REV1: variants seen among roughly 807,000 people sequenced by gnomAD.
The protein encoded by REV1 is translesion synthesis protein REV1.
In REV1, 42 loss-of-function variants were observed where a neutral mutation model predicts 137.4. That is an observed-to-expected ratio of 0.31 (90% CI 0.24 to 0.40). REV1 has a LOEUF of 0.40. REV1 is among the 10% of genes least tolerant of loss of function. REV1 has a pLI of 1.00. For synonymous variants in REV1, 524 were observed against 519.2 expected (o/e 1.01, Z -0.12); for missense variants, 1,282 against 1,490.1 (o/e 0.86, Z 2.30).
Position 99,410,811 on chromosome 2 carries a change from T to C in REV1, c.2229A>G (p.Leu743=), listed in dbSNP as rs746343527. The part of the protein sequence containing the change: ...LSLSEEIQRR[L]EATGMKGKRL... ...GTTTACCCTTCATGCCAGTGGCTTC[T>C]AGTCTTCTTTGAATTTCTTCTGAAA... Residue 743 remains leucine, a synonymous_variant, in exon 14 of 23, where the codon CTA becomes CTG. Transcript: ENST00000258428. 6 of 1,606,762 alleles carry C rather than the reference T, an allele frequency of 3.7e-6. No individual in the cohort carries two copies. In the African/African-American group the frequency reaches 5.4e-5, roughly 14 times the overall value.
intron 3 of REV1, among the ~76,000 whole-genome samples, chr2:99,450,966 T>C (rs1218789779): frequency 6.6e-6 from 1 of 152,164 alleles, no homozygotes; most frequent in African/African-American, 2.4e-5. Flanking sequence ...AAATTAATAA[T>C]GGAAGTTTTC....
chr2:99,413,022 AC>A, intron 12 of REV1, 71 bp from the exon 13 acceptor site: 1 of 1,042,314 alleles, frequency 9.6e-7, no homozygotes, highest in Middle Eastern at 2.5e-4. Context: ...CAAAATACCC[AC>A]CATTTATGCA....
intron 1 of REV1, among the ~76,000 whole-genome samples, chr2:99,477,510 T>C (rs1686114333): frequency 1.3e-5 from 2 of 152,220 alleles, no homozygotes; most frequent in South Asian, 4.1e-4. Context: ...AAATTGTTTG[T>C]TCCATTGTAT....
chr2:99,464,348 C>T (rs866281736), intron 2 of REV1, among the ~76,000 whole-genome samples: 2 of 152,170 alleles, frequency 1.3e-5, no homozygotes, highest in Middle Eastern at 3.4e-3. Flanking sequence ...TATATGCTCA[C>T]TATGAAGTTT....
chr2:99,424,872 G>A (rs986528669), intron 9 of REV1: 156 of 1,303,294 alleles, frequency 1.2e-4, no homozygotes, highest in Admixed American at 2.1e-4. Context: ...CTCTGGGCAG[G>A]AGCCAGGGTT....
intron 3 of REV1, among the ~76,000 whole-genome samples, chr2:99,453,744 T>A (rs1201823621): frequency 6.6e-6 from 1 of 151,352 alleles, no homozygotes. Context: ...AATACAAAAA[T>A]CAGCTGGGCA....
At chr2:99,432,158 G>A (rs185570965) in intron 8 of REV1, among the ~76,000 whole-genome samples, 139 of 152,250 alleles carry the variant, frequency 9.1e-4, no homozygotes, top group African/African-American at 3.0e-3. Flanking sequence ...GTACTGCTCA[G>A]GAAGCAGCCT....
chr2:99,438,571 C>A (rs10175852), intron 6 of REV1, 30 bp downstream of exon 6: 195,799 of 1,530,430 alleles, frequency 0.13, 14,590 homozygotes, highest in African/African-American at 0.27. Flanking sequence ...ATGACTGTTT[C>A]TTAAGAAGAC....
At chr2:99,465,922 ATTTC>A (rs928581405) in intron 1 of REV1, among the ~76,000 whole-genome samples, 3 of 151,868 alleles carry the variant, frequency 2.0e-5, no homozygotes, top group Non-Finnish European at 4.4e-5. Context: ...TTAGCAGATA[ATTTC>A]TTTCTTTCTT....
At chr2:99,437,427 T>TAGATTCATGCTAAACTATCTAACTCCA (rs1559346484) in intron 6 of REV1, among the ~76,000 whole-genome samples, 4 of 152,198 alleles carry the variant, frequency 2.6e-5, no homozygotes, top group African/African-American at 9.7e-5. Flanking sequence ...AGTAAGGATT[T>TAGATTCATGCTAAACTATCTAACTCCA]AGATTCATGC....
At chr2:99,439,466 C>A (rs1445522770) in intron 5 of REV1, among the ~76,000 whole-genome samples, 156 bp from the exon 6 acceptor site, 1 of 149,670 alleles carries the variant, frequency 6.7e-6, no homozygotes, top group African/African-American at 2.5e-5. Context: ...AAAAAAAAAA[C>A]CCTGAAACTT....
intron 4 of REV1, among the ~76,000 whole-genome samples, chr2:99,447,897 T>C (rs1204536712): frequency 6.6e-6 from 1 of 152,006 alleles, no homozygotes; most frequent in Non-Finnish European, 1.5e-5. Context: ...ATTGTATTTT[T>C]AGTACAGACA....
chr2:99,489,750 G>T (rs1226178960), intron 1 of REV1, 67 bp downstream of exon 1: 3 of 149,858 alleles, frequency 2.0e-5, no homozygotes, highest in Non-Finnish European at 4.5e-5. Flanking sequence ...GGTCTGCGGC[G>T]CCTCCGGGCG....
chr2:99,442,252 CAAAAAAAA>C (rs3070575), intron 5 of REV1, 57 bp downstream of exon 5: 17 of 536,854 alleles, frequency 3.2e-5, no homozygotes, highest in Non-Finnish European at 4.1e-5. Flanking sequence ...AACTCCATCT[CAAAAAAAA>C]AAAAAAAAAA....
At chr2:99,440,061 C>T (rs1681284402) in intron 5 of REV1, among the ~76,000 whole-genome samples, 1 of 152,088 alleles carries the variant, frequency 6.6e-6, no homozygotes, top group Admixed American at 6.6e-5. Context: ...AGGGAAATTG[C>T]ACTTCATTTC....
chr2:99,424,915 A>G, intron 9 of REV1: 3 of 1,297,722 alleles, frequency 2.3e-6, no homozygotes, highest in Admixed American at 2.3e-5. Context: ...TGAAAATGGT[A>G]AATTTTAAAT....
chr2:99,434,279 AT>A, intron 8 of REV1, 52 bp downstream of exon 8: 1 of 1,233,558 alleles, frequency 8.1e-7, no homozygotes, highest in Non-Finnish European at 1.1e-6. Context: ...AAATAGCAAA[AT>A]CCAGAAGCCA....
intron 18 of REV1, 96 bp from the exon 19 acceptor site, chr2:99,403,911 A>C: frequency 3.3e-5 from 48 of 1,441,236 alleles, no homozygotes; most frequent in Non-Finnish European, 3.9e-5. Flanking sequence ...TTCAAATCTC[A>C]CTTTTCTGAT....
rs1285673322 is a variant in REV1, at chr2:99,403,102, T to G, written c.3171A>C (p.Pro1057=). Residue 1057 remains proline, a synonymous_variant, in exon 20 of 23, where the codon CCA becomes CCC. Coordinates refer to ENST00000258428, the MANE Select transcript of REV1 (RefSeq NM_016316.4). The stretch of plus-strand genomic sequence containing the variant: ...CCTTTAGATGAAGTAAAGGATTCTT[T>G]GGCACTAAGAGCAGATGGATATAAG... ...THQQSASASV[P]KNPLLHLKAA... is the part of the protein sequence containing the mutation. 3 of 1,600,628 alleles carry G rather than the reference T, an allele frequency of 1.9e-6. No individual in the cohort carries two copies. The Admixed American group carries it at 5.2e-5, about 28-fold the overall frequency.
Sources: allele counts gnomAD v4.1 joint callset (sites outside exome capture counted in the v4.1 genomes callset), GRCh38; gene constraint gnomAD v4.1.1; transcripts MANE v1.5; gene names NCBI Gene and HGNC (gene_info 2026-07-23, HGNC 2026-07-21).